The following DST variants were observed in gnomAD, a reference collection of about 807,000 sequenced individuals.
The protein encoded by DST is bullous pemphigoid antigen.
A neutral mutation model predicts 875.2 loss-of-function variants in DST; 253 were observed. The ratio of observed to expected loss-of-function variants is 0.29; its 90% CI spans 0.26 to 0.32. The LOEUF is 0.32. Among genes scored for constraint, DST ranks in the 10% least tolerant of loss-of-function variants. DST has a pLI of 1.00. For synonymous variants in DST, 3,124 were observed against 3,197.1 expected (o/e 0.98, Z 0.77); for missense variants, 8,287 against 9,111.6 (o/e 0.91, Z 3.68).
chr6:56,631,776 A>C, intron 29 of DST, 107 bp downstream of exon 29: 19 of 979,162 alleles, frequency 1.9e-5, no homozygotes, highest in African/African-American at 3.2e-5. Flanking sequence ...CTCACACTAG[A>C]CTGGCTAGTG....
chr6:56,528,660 GA>G (rs1387979799), intron 67 of DST, among the ~76,000 whole-genome samples, 180 bp downstream of exon 67: 1 of 152,120 alleles, frequency 6.6e-6, no homozygotes, highest in African/African-American at 2.4e-5. Flanking sequence ...GAGATCATGA[GA>G]AAAAAGTGAG....
At chr6:56,641,893 C>G in intron 17 of DST, 54 bp downstream of exon 17, 1 of 1,401,046 alleles carries the variant, frequency 7.1e-7, no homozygotes, top group Non-Finnish European at 9.8e-7. Flanking sequence ...TTTCAAATGC[C>G]CATGAAACAG....
At chr6:56,807,463 A>G (rs2099754503) in intron 4 of DST, among the ~76,000 whole-genome samples, 1 of 152,232 alleles carries the variant, frequency 6.6e-6, no homozygotes, top group Admixed American at 6.5e-5. Context: ...GTAAAAGGAC[A>G]AACTGGGACT....
chr6:56,762,844 CTTT>C (rs869153143), intron 4 of DST, among the ~76,000 whole-genome samples: 1,194 of 111,882 alleles, frequency 0.011, 14 homozygotes, highest in African/African-American at 0.041. Context: ...AGAACACCAC[CTTT>C]TTTTTTTTTT....
chr6:56,893,562 C>CTTTCTTTTTTTTTTTTTTTTTTTTTTT, intron 3 of DST, among the ~76,000 whole-genome samples: 1 of 35,910 alleles, frequency 2.8e-5, no homozygotes, highest in Non-Finnish European at 5.1e-5. Flanking sequence ...ACTTTTAGTT[C>CTTTCTTTTTTTTTTTTTTTTTTTTTTT]TTTTTTTTTT....
Position 56,634,831 on chromosome 6 carries a change from G to A in DST, c.3309C>T (p.Ile1103=). The part of the protein sequence containing the change: ...SDCPLKTSIP[I]KAICDYRQIE... ...TTTGTCTGTAGTCACAGATAGCTTT[G>A]ATCGGAATAGAAGTTTTGAGTGGAC... Residue 1103 remains isoleucine, a synonymous_variant, in exon 25 of 104, where the codon ATC becomes ATT. Transcript: ENST00000680361. The A allele has an allele frequency of 6.2e-7, 1 of 1,614,016 alleles. No individual in the cohort carries two copies. The highest frequency in any genetic ancestry group is 1.3e-5 in the African/African-American group (1 of 75,048).
chr6:56,900,908 G>T (rs1390627287), intron 2 of DST, among the ~76,000 whole-genome samples: 1 of 151,604 alleles, frequency 6.6e-6, no homozygotes, highest in Non-Finnish European at 1.5e-5. Flanking sequence ...AAAAAAAGCA[G>T]GTGGGCACAC....
In DST at chr6:56,605,417, T is replaced by G; in HGVS notation, c.9211A>C (p.Arg3071=). 6.2e-7 allele frequency: 1 copy of G among 1,612,904 alleles called. No individual in the cohort carries two copies. The highest frequency in any genetic ancestry group is 8.5e-7 in the Non-Finnish European group (1 of 1,179,298). Residue 3071 remains arginine (R), a synonymous_variant, in exon 40 of 104, where the codon AGG becomes CGG. Coordinates refer to ENST00000680361, the MANE Select transcript of DST (RefSeq NM_001374736.1). ...LVEGLVEEEN[R]HLKLLPGKNT... ...TTACCAGGCAAAAGTTTGAGATGCCTATTTTCTTCTTCTACTAGACCTTCT... is the reference window on the plus strand; with the variant it reads ...TTACCAGGCAAAAGTTTGAGATGCCGATTTTCTTCTTCTACTAGACCTTCT...
At chr6:56,471,396 G>A in intron 94 of DST, 128 bp from the exon 95 acceptor site, 1 of 662,740 alleles carries the variant, frequency 1.5e-6, no homozygotes, top group East Asian at 3.1e-5. Flanking sequence ...AAAGAGGTAT[G>A]ATCTTGCAAA....
At chr6:56,868,486 A>T (rs1775335682) in intron 3 of DST, among the ~76,000 whole-genome samples, 1 of 152,232 alleles carries the variant, frequency 6.6e-6, no homozygotes. Flanking sequence ...CTAATGAGTC[A>T]GAGATATTGT....
chr6:56,481,057 T>C (rs1392548568), intron 90 of DST, among the ~76,000 whole-genome samples: 2 of 152,248 alleles, frequency 1.3e-5, no homozygotes, highest in Non-Finnish European at 2.9e-5. Flanking sequence ...CATTTCATTC[T>C]TCCAGAAAAT....
intron 49 of DST, among the ~76,000 whole-genome samples, chr6:56,587,495 T>C (rs1438566528): frequency 6.6e-6 from 1 of 152,084 alleles, no homozygotes; most frequent in Non-Finnish European, 1.5e-5. Flanking sequence ...CTGCAGGATA[T>C]TATCCAGGAG....
At chr6:56,827,694 AC>A (rs2099782394) in intron 4 of DST, among the ~76,000 whole-genome samples, 2 of 152,020 alleles carry the variant, frequency 1.3e-5, no homozygotes, top group Admixed American at 1.3e-4. Flanking sequence ...ATCCTTCCCA[AC>A]CATGCATTTA....
Position 56,693,105 on chromosome 6 carries a change from T to C in DST, c.1047+6548A>G, listed in dbSNP as rs150600128. On this transcript the variant is annotated intron_variant, in intron 9 of 103. Coordinates refer to ENST00000680361, the MANE Select transcript of DST (RefSeq NM_001374736.1). ...AAGGAGTTTTGGCAGGATCTACATA[T>C]TGTTCTTCTTTCTCAGCTCTTACAC... 3.7e-5 allele frequency: 48 copies of C among 1,289,076 alleles called. No individual in the cohort carries two copies. In the East Asian group the frequency reaches 2.6e-3, roughly 69 times the overall value. The allele number at this position is 1,289,076 out of a possible 1,614,324, so 79.9% of individuals were successfully genotyped here.
rs1479191858 is a variant in DST at position 56,606,356 on chromosome 6, T to G, written c.8272A>C (p.Lys2758Gln). 1.2e-6 allele frequency: 2 copies of G among 1,613,152 alleles called. No individual in the cohort carries two copies. The highest frequency in any genetic ancestry group is 1.7e-6 in the Non-Finnish European group (2 of 1,179,508). The change falls in exon 40 of 104, where the codon AAA (lysine) becomes CAA (glutamine). Residue 2758 changes from lysine (K) to glutamine (Q), a missense_variant. Coordinates refer to ENST00000680361, the MANE Select transcript of DST (RefSeq NM_001374736.1). ...CTCCAACTGCCACTGTCATCAAATTTTAATGATGCAGTGAAGCTCTCTTTT... is the reference window on the plus strand; with the variant it reads ...CTCCAACTGCCACTGTCATCAAATTGTAATGATGCAGTGAAGCTCTCTTTT... ...GGKESFTASL[K>Q]FDDSGSWRGR...
chr6:56,909,961 G>GA (rs1282012767), intron 2 of DST, among the ~76,000 whole-genome samples: 1 of 151,812 alleles, frequency 6.6e-6, no homozygotes, highest in Non-Finnish European at 1.5e-5. Context: ...TGTCAGCCGG[G>GA]AAAAAAAATA....
chr6:56,523,768 T>C (rs1023751282), intron 69 of DST, among the ~76,000 whole-genome samples: 1 of 152,142 alleles, frequency 6.6e-6, no homozygotes, highest in African/African-American at 2.4e-5. Flanking sequence ...TCTATAAATT[T>C]TAAAATTGTT....
At chr6:56,730,399 A>C (rs1369910628) in intron 5 of DST, among the ~76,000 whole-genome samples, 1 of 152,152 alleles carries the variant, frequency 6.6e-6, no homozygotes, top group African/African-American at 2.4e-5. Flanking sequence ...GCAAAAGCTA[A>C]ATCAGTACTT....
At chr6:56,669,287 CAA>C (rs1055863442) in intron 10 of DST, among the ~76,000 whole-genome samples, 15 of 69,354 alleles carry the variant, frequency 2.2e-4, no homozygotes, top group Admixed American at 4.9e-4. Flanking sequence ...TTTGTAAAAC[CAA>C]AAAAAAAAAA....
Sources: allele counts gnomAD v4.1 joint callset (sites outside exome capture counted in the v4.1 genomes callset), GRCh38; gene constraint gnomAD v4.1.1; transcripts MANE v1.5; gene names NCBI Gene and HGNC (gene_info 2026-07-23, HGNC 2026-07-21).